Variants in ANK2 observed in about 807,000 individuals in gnomAD.
The protein encoded by ANK2 is ankyrin-2.
A neutral mutation model predicts 360.5 loss-of-function variants in ANK2; 83 were observed. The observed-to-expected ratio is 0.23, with a 90% CI of 0.19 to 0.28. ANK2 has a LOEUF of 0.28. ANK2 is among the 10% of genes least tolerant of loss of function. The pLI is 1.00. For synonymous variants in ANK2, 1,740 were observed against 1,759.5 expected, an observed-to-expected ratio of 0.99 and a Z score of 0.28; for missense variants, 4,201 against 4,795.7, an observed-to-expected ratio of 0.88 and a Z score of 3.66.
intron 1 of ANK2, among the ~76,000 whole-genome samples, chr4:113,109,966 A>G (rs2094113738): frequency 6.6e-6 from 1 of 152,162 alleles, no homozygotes; most frequent in African/African-American, 2.4e-5. Flanking sequence ...ATTTAATTTT[A>G]TACTTAGGTT....
chr4:112,810,157 ATATTTTTTTTTTTT>A, the ANK2 span, among the ~76,000 whole-genome samples: 3 of 23,690 alleles, frequency 1.3e-4, no homozygotes, highest in African/African-American at 6.6e-4. Flanking sequence ...ATATATATAT[ATATTTTTTTTTTTT>A]TTTTTTTTTT....
intron 2 of ANK2, among the ~76,000 whole-genome samples, chr4:112,996,510 C>T (rs1454772523): frequency 6.6e-6 from 1 of 152,036 alleles, no homozygotes; most frequent in Admixed American, 6.5e-5. Context: ...AGGAACAGCA[C>T]CTTTTATTGT....
At chr4:112,802,376 C>A in the ANK2 span, among the ~76,000 whole-genome samples, 1 of 152,188 alleles carries the variant, frequency 6.6e-6, no homozygotes, top group Non-Finnish European at 1.5e-5. Flanking sequence ...ATGCAGCTTG[C>A]TGCTTCTTGG....
At chr4:112,895,642 T>C (rs2081511977) in intron 1 of ANK2, among the ~76,000 whole-genome samples, 1 of 152,166 alleles carries the variant, frequency 6.6e-6, no homozygotes, top group Non-Finnish European at 1.5e-5. Context: ...CTTCTGTCTT[T>C]TTTTCAGATG....
Position 113,293,625 on chromosome 4 carries a change from T to C in ANK2, c.2475+87T>C, listed in dbSNP as rs1355598374. 4 of 1,278,490 alleles carry C rather than the reference T, an allele frequency of 3.1e-6. No homozygotes were observed. The African/African-American group carries it at 5.9e-5, about 19-fold the overall frequency. The allele number at this position is 1,278,490 out of a possible 1,614,324, so 79.2% of individuals were successfully genotyped here. A position where few individuals can be genotyped will look rare whatever the true frequency, so the allele number is the denominator to read the frequency against. ...GTACAGTACTTTTTCACTCACAAGA[T>C]GTTTGGAGCTTTTAGTTTTGAACTT... On this transcript the variant is annotated intron_variant, in intron 22 of 45. Coordinates refer to ENST00000357077, the MANE Select transcript of ANK2 (RefSeq NM_001148.6).
At chr4:112,769,729 G>A in the ANK2 span, among the ~76,000 whole-genome samples, 1 of 152,216 alleles carries the variant, frequency 6.6e-6, no homozygotes, top group Admixed American at 6.5e-5. Context: ...GGTGGATTAA[G>A]TACAGTAGAT....
At chr4:113,177,476 C>T (rs550443010) in intron 2 of ANK2, among the ~76,000 whole-genome samples, 11 of 152,196 alleles carry the variant, frequency 7.2e-5, no homozygotes, top group Admixed American at 3.3e-4. Flanking sequence ...ACAATGAAAC[C>T]GTTAGTTCAT....
intron 1 of ANK2, among the ~76,000 whole-genome samples, chr4:113,054,526 G>A (rs1375473469): frequency 6.6e-6 from 1 of 152,076 alleles, no homozygotes; most frequent in African/African-American, 2.4e-5. Context: ...CCAACATTTG[G>A]GTGTCCAAAT....
At chr4:113,322,395 T>A (rs896555765) in intron 26 of ANK2, among the ~76,000 whole-genome samples, 3 of 152,244 alleles carry the variant, frequency 2.0e-5, no homozygotes, top group African/African-American at 7.2e-5. Flanking sequence ...ACAATGACTC[T>A]AATCAACAGT....
intron 2 of ANK2, among the ~76,000 whole-genome samples, chr4:113,014,316 A>G (rs1439046413): frequency 3.3e-5 from 5 of 152,236 alleles, no homozygotes; most frequent in Non-Finnish European, 7.3e-5. Flanking sequence ...CACTGTTGTA[A>G]GAGTTTCACT....
At chr4:113,367,364 G>A (rs139021382) in intron 41 of ANK2, among the ~76,000 whole-genome samples, 6 of 152,110 alleles carry the variant, frequency 3.9e-5, no homozygotes, top group East Asian at 1.9e-4. Context: ...GGAATTGACC[G>A]TTACTTGCGT....
At chr4:113,309,689 G>GA (rs2078935835) in intron 23 of ANK2, among the ~76,000 whole-genome samples, 1 of 151,716 alleles carries the variant, frequency 6.6e-6, no homozygotes, top group Non-Finnish European at 1.5e-5. Context: ...CTGCTAATTT[G>GA]AAAAAAATTT....
intron 2 of ANK2, among the ~76,000 whole-genome samples, chr4:112,922,604 A>G (rs929664786): frequency 6.6e-6 from 1 of 152,226 alleles, no homozygotes; most frequent in African/African-American, 2.4e-5. Context: ...ATAGTAGCAT[A>G]GACTGTTTAG....
intron 2 of ANK2, among the ~76,000 whole-genome samples, chr4:112,992,501 T>C (rs924819740): frequency 1.3e-5 from 2 of 152,206 alleles, no homozygotes; most frequent in Non-Finnish European, 2.9e-5. Context: ...CAGCTTAGGC[T>C]GCCATGACAA....
At chr4:113,055,333 T>C (rs2069137558) in intron 1 of ANK2, among the ~76,000 whole-genome samples, 1 of 152,090 alleles carries the variant, frequency 6.6e-6, no homozygotes, top group South Asian at 2.1e-4. Context: ...GGTGAGGTCA[T>C]AGTAAGCCAT....
intron 1 of ANK2, among the ~76,000 whole-genome samples, chr4:113,153,230 G>T (rs1210206402): frequency 2.0e-5 from 3 of 152,042 alleles, no homozygotes; most frequent in African/African-American, 4.8e-5. Flanking sequence ...AACACATTGT[G>T]TACTTAAATT....
At chr4:113,348,034 T>G in intron 35 of ANK2, 1 of 535,942 alleles carries the variant, frequency 1.9e-6, no homozygotes, top group East Asian at 3.1e-5. Flanking sequence ...GTATCTGGAA[T>G]TAGTATATTT....
At chr4:113,147,168 C>T (rs928544821) in intron 1 of ANK2, among the ~76,000 whole-genome samples, 3 of 151,542 alleles carry the variant, frequency 2.0e-5, no homozygotes, top group Non-Finnish European at 4.4e-5. Flanking sequence ...TAGTCAAAAA[C>T]GAAGAAAAAA....
chr4:112,986,369 G>A (rs943230898), intron 2 of ANK2, among the ~76,000 whole-genome samples: 4 of 152,176 alleles, frequency 2.6e-5, no homozygotes, highest in African/African-American at 9.7e-5. Context: ...TTTATATGAA[G>A]CCATGTGTTT....
Sources: allele counts gnomAD v4.1 joint callset (sites outside exome capture counted in the v4.1 genomes callset), GRCh38; gene constraint gnomAD v4.1.1; transcripts MANE v1.5; gene names NCBI Gene and HGNC (gene_info 2026-07-23, HGNC 2026-07-21).